ELOVL6: variants seen among roughly 807,000 people sequenced by gnomAD.
ELOVL6 encodes ELOVL fatty acid elongase 6, also known as very long chain fatty acid elongase 6.
Under a neutral mutation model 31.7 loss-of-function variants are expected in ELOVL6, and 8 were observed. That is an observed-to-expected ratio of 0.25 (90% CI 0.15 to 0.45). ELOVL6 has a LOEUF of 0.45. Among genes scored for constraint, ELOVL6 ranks in the 20% least tolerant of loss-of-function variants. ELOVL6 has a pLI of 1.00. For synonymous variants in ELOVL6, 101 were observed against 117.7 expected (o/e 0.86, Z 0.92); for missense variants, 126 against 326.4 (o/e 0.39, Z 4.73).
At chr4:110,102,487 C>A (rs1327229077) in intron 2 of ELOVL6, among the ~76,000 whole-genome samples, 1 of 152,060 alleles carries the variant, frequency 6.6e-6, no homozygotes, top group Non-Finnish European at 1.5e-5. Context: ...GAAACTCCAT[C>A]TCTACCAAAA....
intron 1 of ELOVL6, among the ~76,000 whole-genome samples, chr4:110,189,194 C>T (rs569832680): frequency 4.6e-5 from 7 of 151,726 alleles, no homozygotes; most frequent in East Asian, 1.9e-4. Context: ...GCAAGAAGAT[C>T]GCTTGGACCA....
intron 1 of ELOVL6, among the ~76,000 whole-genome samples, chr4:110,119,406 T>A (rs1757277843): frequency 6.6e-6 from 1 of 152,240 alleles, no homozygotes; most frequent in African/African-American, 2.4e-5. Context: ...ATTAATCATC[T>A]TTATTAGCTA....
intron 1 of ELOVL6, among the ~76,000 whole-genome samples, chr4:110,194,112 A>AATT (rs1178119332): frequency 1.3e-5 from 2 of 152,206 alleles, no homozygotes; most frequent in African/African-American, 4.8e-5. Flanking sequence ...TCACTCAATG[A>AATT]ATTATATGTC....
At chr4:110,108,257 A>C (rs1756939259) in intron 1 of ELOVL6, among the ~76,000 whole-genome samples, 1 of 152,168 alleles carries the variant, frequency 6.6e-6, no homozygotes, top group Non-Finnish European at 1.5e-5. Context: ...ATTCAACATA[A>C]TTGAGATTCT....
intron 2 of ELOVL6, among the ~76,000 whole-genome samples, chr4:110,078,907 A>G (rs1409224854): frequency 6.6e-6 from 1 of 152,212 alleles, no homozygotes; most frequent in African/African-American, 2.4e-5. Context: ...CTACCAAGCA[A>G]ATGGAAAACA....
Position 110,050,138 on chromosome 4 carries a change from C to G in ELOVL6, c.*1200G>C, listed in dbSNP as rs1288790049. 6.6e-6 allele frequency: 1 copy of G among 152,404 alleles called. No homozygotes were observed. The highest frequency in any genetic ancestry group is 6.6e-5 in the Admixed American group (1 of 15,256). The allele number at this position is 152,404 out of a possible 1,614,324, so 9.4% of individuals were successfully genotyped here. On this transcript the variant is annotated 3_prime_UTR_variant, in exon 4 of 4. Transcript: ENST00000302274. ...TATTGCCACTCAGCCAGCAGAGGGCCCTTTAAACACCTCTACATTGCTTGG... is the reference window on the plus strand; with the variant it reads ...TATTGCCACTCAGCCAGCAGAGGGCGCTTTAAACACCTCTACATTGCTTGG...
chr4:110,120,506 GCT>G (rs1199877384), intron 1 of ELOVL6, among the ~76,000 whole-genome samples: 11 of 152,074 alleles, frequency 7.2e-5, no homozygotes, highest in Admixed American at 7.2e-4. Context: ...TCTTCACATA[GCT>G]CTCCTATGGG....
At chr4:110,099,916 G>T (rs962931548) in intron 2 of ELOVL6, among the ~76,000 whole-genome samples, 2 of 152,204 alleles carry the variant, frequency 1.3e-5, no homozygotes, top group African/African-American at 4.8e-5. Flanking sequence ...CCATATCAAA[G>T]TTGGATAACT....
intron 2 of ELOVL6, among the ~76,000 whole-genome samples, chr4:110,067,450 T>C (rs924244084): frequency 1.3e-5 from 2 of 152,128 alleles, no homozygotes; most frequent in Non-Finnish European, 2.9e-5. Context: ...ACTGGGTAAT[T>C]TGTAAAGGAA....
intron 2 of ELOVL6, among the ~76,000 whole-genome samples, chr4:110,084,219 T>TATATGTGATA (rs1560814604): frequency 3.9e-5 from 2 of 51,494 alleles, no homozygotes; most frequent in African/African-American, 1.6e-4. Flanking sequence ...AACATATAAC[T>TATATGTGATA]TATATGATAT....
At chr4:110,113,294 C>A (rs1226426937) in intron 1 of ELOVL6, among the ~76,000 whole-genome samples, 2 of 150,206 alleles carry the variant, frequency 1.3e-5, no homozygotes, top group African/African-American at 4.9e-5. Flanking sequence ...GAAAACATAT[C>A]AGTGACTGGG....
chr4:110,161,421 A>G (rs1024938700), intron 1 of ELOVL6, among the ~76,000 whole-genome samples: 1 of 152,188 alleles, frequency 6.6e-6, no homozygotes, highest in Non-Finnish European at 1.5e-5. Context: ...TGGCACTTTC[A>G]TGGTCATTTT....
rs34396636 is a variant in ELOVL6 at position 110,192,192 on chromosome 4, GAA to G, written c.89+6053_89+6054del. On this transcript the variant is annotated intron_variant, in intron 1 of 3. Transcript: ENST00000302274. Reference sequence around the variant, plus strand: ...GCAACAAGGGCAAAACTCCATCCAAGAAAAAAAAAAAAAAGAAAGAAAGAAAA... The same window carrying G: ...GCAACAAGGGCAAAACTCCATCCAAGAAAAAAAAAAAAGAAAGAAAGAAAA... Among the ~76,000 whole-genome samples, 76 of 104,030 alleles carry G rather than the reference GAA, an allele frequency of 7.3e-4. No homozygotes were observed. The East Asian group carries it at 9.4e-3, about 13-fold the overall frequency. 68.2% of individuals were successfully genotyped at this position (104,030 alleles called of 152,430 possible).
chr4:110,121,176 T>G (rs373566824), intron 1 of ELOVL6, among the ~76,000 whole-genome samples: 87 of 152,272 alleles, frequency 5.7e-4, no homozygotes, highest in African/African-American at 1.8e-3. Flanking sequence ...AATAGCCAAG[T>G]CAAGAACTAT....
intron 1 of ELOVL6, among the ~76,000 whole-genome samples, chr4:110,128,990 T>C (rs1002011546): frequency 1.3e-5 from 2 of 152,328 alleles, no homozygotes; most frequent in African/African-American, 2.4e-5. Context: ...AAAGTTATTG[T>C]GGTTTTGCCA....
At chr4:110,113,376 C>T (rs944299482) in intron 1 of ELOVL6, among the ~76,000 whole-genome samples, 9 of 151,548 alleles carry the variant, frequency 5.9e-5, no homozygotes, top group African/African-American at 2.2e-4. Flanking sequence ...CCCAGGAGTT[C>T]GAGACCAGCC....
intron 2 of ELOVL6, among the ~76,000 whole-genome samples, chr4:110,069,968 C>G (rs769653321): frequency 3.3e-5 from 5 of 152,198 alleles, no homozygotes; most frequent in Non-Finnish European, 7.3e-5. Flanking sequence ...CTGGGGATGA[C>G]ACTGCTTAGG....
intron 2 of ELOVL6, among the ~76,000 whole-genome samples, chr4:110,088,342 C>G (rs1255707800): frequency 2.6e-5 from 4 of 152,284 alleles, no homozygotes; most frequent in Admixed American, 6.5e-5. Flanking sequence ...CAGTACACTC[C>G]TCTTACCCAA....
intron 2 of ELOVL6, among the ~76,000 whole-genome samples, chr4:110,086,895 A>T (rs907188161): frequency 2.3e-4 from 35 of 152,212 alleles, no homozygotes; most frequent in African/African-American, 8.2e-4. Context: ...GAGTTATTTG[A>T]TTATTTTGAA....
Sources: gnomAD v4.1 joint callset for allele counts (sites outside exome capture counted in the v4.1 genomes callset) on GRCh38, gnomAD v4.1.1 for gene constraint, MANE v1.5 for transcripts, NCBI Gene and HGNC (gene_info 2026-07-23, HGNC 2026-07-21) for gene names.